Variants in IDE observed in about 807,000 individuals in gnomAD.
The protein encoded by IDE is insulin degrading enzyme.
A neutral mutation model predicts 133.2 loss-of-function variants in IDE; 58 were observed. The ratio of observed to expected loss-of-function variants is 0.44; its 90% CI spans 0.35 to 0.54. IDE has a LOEUF of 0.54. Ranked by LOEUF, IDE falls within the 20% of genes least tolerant of loss-of-function variation. The probability of loss-of-function intolerance (pLI) is 0.00; values close to 1 mark genes in which losing one functional copy is unlikely to be tolerated. For synonymous variants in IDE, 396 were observed against 421.3 expected (o/e 0.94, Z 0.73); for missense variants, 981 against 1,234.0 (o/e 0.79, Z 3.07).
At chr10:92,540,873 C>CA (rs753022711) in intron 1 of IDE, among the ~76,000 whole-genome samples, 13 of 151,444 alleles carry the variant, frequency 8.6e-5, no homozygotes, top group Non-Finnish European at 1.5e-4. Context: ...TTTTTTTAGA[C>CA]AAAAAAAATT....
chr10:92,548,112 C>A lies in IDE; in HGVS notation c.99-10562G>T, dbSNP rs1406232006. Among the ~76,000 whole-genome samples the A allele has an allele frequency of 2.0e-5, 3 of 152,118 alleles. No individual in the cohort carries two copies. The East Asian group carries it at 5.8e-4, about 29-fold the overall frequency. Reference sequence around the variant, plus strand: ...CGATGGCTCATGCCTGTAATCCCAGCACTTTGGGAGGCCAAGGCAGGCCGA... The same window carrying A: ...CGATGGCTCATGCCTGTAATCCCAGAACTTTGGGAGGCCAAGGCAGGCCGA... On this transcript the variant is annotated intron_variant, in intron 1 of 24. Coordinates refer to ENST00000265986, the MANE Select transcript of IDE (RefSeq NM_004969.4).
chr10:92,481,033 T>C, intron 14 of IDE: 2 of 342,890 alleles, frequency 5.8e-6, no homozygotes, highest in Non-Finnish European at 8.2e-6. Flanking sequence ...ATAAATGTTC[T>C]GCCATTAAAT....
At chr10:92,456,310 C>T (rs752286492) in intron 23 of IDE, 49 bp downstream of exon 23, 1 of 1,321,408 alleles carries the variant, frequency 7.6e-7, no homozygotes, top group African/African-American at 1.4e-5. Context: ...CAAAGGCCAA[C>T]CATCAGATGG....
chr10:92,504,837 A>G lies in IDE; in HGVS notation c.1387T>C (p.Leu463=), dbSNP rs1412440439. The G allele has an allele frequency of 1.3e-6, 2 of 1,598,250 alleles. No individual in the cohort carries two copies. Among genetic ancestry groups the G allele is most frequent in the African/African-American group, 2.7e-5 (2 of 74,180 alleles). ...AGTTTATCGAGAACCATCTCTATTA[A>G]GTCAGGTCTAAATTCTTCCAGTAAA... is the stretch of plus-strand genomic sequence containing the variant. The part of the protein sequence containing the change: ...EYLLEEFRPD[L]IEMVLDKLRP... Residue 463 remains leucine, a synonymous_variant, in exon 11 of 25, where the codon TTA becomes CTA. Transcript: ENST00000265986.
rs1844873644 is a variant in IDE at position 92,454,300 on chromosome 10, A to C, written c.*144T>G. ...TTGTAATTTACTTTGGATTTATAAT[A>C]TTTCTACATAATGACATTTGACAAT... On this transcript the variant is annotated 3_prime_UTR_variant, in exon 25 of 25. Transcript: ENST00000265986. 1 of 588,500 alleles carries C rather than the reference A, an allele frequency of 1.7e-6. No homozygotes were observed. Among genetic ancestry groups the C allele is most frequent in the South Asian group, 2.6e-5 (1 of 38,792 alleles). 36.5% of individuals were successfully genotyped at this position (588,500 alleles called of 1,614,324 possible).
At chr10:92,455,371 G>A (rs183706653) in intron 24 of IDE, among the ~76,000 whole-genome samples, 194 of 152,194 alleles carry the variant, frequency 1.3e-3, no homozygotes, top group Non-Finnish European at 2.5e-3. Context: ...AGCTACTCAA[G>A]AGGCTGAGGC....
chr10:92,559,876 T>C (rs1843195177), intron 1 of IDE, among the ~76,000 whole-genome samples: 1 of 151,946 alleles, frequency 6.6e-6, no homozygotes, highest in Non-Finnish European at 1.5e-5. Context: ...TAGTTGAGAT[T>C]ACTGGCACGT....
chr10:92,524,407 A>AT, intron 4 of IDE, among the ~76,000 whole-genome samples: 1 of 88,662 alleles, frequency 1.1e-5, no homozygotes, highest in South Asian at 2.6e-4. Flanking sequence ...AATATATAAT[A>AT]TATATTATAT....
At chr10:92,455,244 C>A (rs775997231) in intron 24 of IDE, among the ~76,000 whole-genome samples, 4 of 150,830 alleles carry the variant, frequency 2.7e-5, no homozygotes, top group Admixed American at 2.6e-4. Flanking sequence ...GGGAGGCCGA[C>A]GCAGGTGGAT....
intron 4 of IDE, among the ~76,000 whole-genome samples, chr10:92,516,777 G>C (rs1410350954): frequency 6.6e-6 from 1 of 152,194 alleles, no homozygotes; most frequent in East Asian, 1.9e-4. Flanking sequence ...TTAAAAAAAG[G>C]ATGCAATGCT....
chr10:92,491,384 T>G (rs1455056038), intron 11 of IDE, among the ~76,000 whole-genome samples: 1 of 152,120 alleles, frequency 6.6e-6, no homozygotes, highest in African/African-American at 2.4e-5. Flanking sequence ...AAACTTTTAT[T>G]ATTGCTTGCT....
chr10:92,524,392 TATATA>T lies in IDE; in HGVS notation c.661+7351_661+7355del, dbSNP rs1167542719. 4.3e-5 allele frequency among the ~76,000 whole-genome samples: 4 copies of T among 94,060 alleles called. 1 individual carries two copies. The highest frequency in any genetic ancestry group is 1.7e-4 in the African/African-American group (4 of 23,320). The allele number at this position is 94,060 out of a possible 152,430, so 61.7% of individuals were successfully genotyped here. A position where few individuals can be genotyped will look rare whatever the true frequency, so the allele number is the denominator to read the frequency against. ...AATATATATTATATATAATATATTT[TATATA>T]ATATATAATATATATTATATTATAT... On this transcript the variant is annotated intron_variant, in intron 4 of 24. Transcript: ENST00000265986.
intron 1 of IDE, among the ~76,000 whole-genome samples, chr10:92,566,080 G>T (rs183433701): frequency 6.6e-6 from 1 of 151,836 alleles, no homozygotes; most frequent in East Asian, 1.9e-4. Context: ...ATGTAGCCAG[G>T]TGCAGTGGCT....
chr10:92,507,041 G>C (rs1013831011), intron 9 of IDE, among the ~76,000 whole-genome samples: 2 of 151,776 alleles, frequency 1.3e-5, no homozygotes, highest in Non-Finnish European at 2.9e-5. Context: ...TTTAAAGCAC[G>C]TATTTTTAAA....
chr10:92,525,752 G>GAAAAAAAAAAAAA (rs59547662), intron 4 of IDE, among the ~76,000 whole-genome samples: 2 of 116,416 alleles, frequency 1.7e-5, no homozygotes, highest in African/African-American at 3.2e-5. Context: ...TGAACAATCT[G>GAAAAAAAAAAAAA]AAAAAAAAAA....
intron 4 of IDE, among the ~76,000 whole-genome samples, chr10:92,517,257 C>G (rs1248015529): frequency 6.6e-6 from 1 of 152,148 alleles, no homozygotes; most frequent in Non-Finnish European, 1.5e-5. Context: ...GATTCCTGTC[C>G]CAGAATGCTT....
intron 1 of IDE, among the ~76,000 whole-genome samples, chr10:92,563,067 A>G (rs1042195102): frequency 6.6e-6 from 1 of 152,198 alleles, no homozygotes; most frequent in African/African-American, 2.4e-5. Flanking sequence ...CCTGGCCAAC[A>G]TGGTGAAACC....
chr10:92,537,099 T>C (rs1257714266), intron 2 of IDE, among the ~76,000 whole-genome samples: 1 of 149,564 alleles, frequency 6.7e-6, no homozygotes, highest in African/African-American at 2.5e-5. Flanking sequence ...AAAAAAAAAA[T>C]CATAACTGTT....
Position 92,573,777 on chromosome 10 carries a change from G to C in IDE, c.98+145C>G, listed in dbSNP as rs988337244. 11 of 587,406 alleles carry C rather than the reference G, an allele frequency of 1.9e-5. 1 individual carries two copies. Among genetic ancestry groups the C allele is most frequent in the Non-Finnish European group, 2.5e-5 (9 of 362,646 alleles). 36.4% of individuals were successfully genotyped at this position (587,406 alleles called of 1,614,324 possible). On this transcript the variant is annotated intron_variant, in intron 1 of 24. Coordinates refer to ENST00000265986, the MANE Select transcript of IDE (RefSeq NM_004969.4). ...CCGGGCCCTGGGGCGGCCTCAGCGC[G>C]GCAGTACGGGCCCCAGGCCGGCGGG...
Sources: gnomAD v4.1 joint callset for allele counts (sites outside exome capture counted in the v4.1 genomes callset) on GRCh38, gnomAD v4.1.1 for gene constraint, MANE v1.5 for transcripts, NCBI Gene and HGNC (gene_info 2026-07-23, HGNC 2026-07-21) for gene names.